NEDD9: variants seen among roughly 807,000 people sequenced by gnomAD.
The protein encoded by NEDD9 is enhancer of filamentation 1.
In NEDD9, 26 loss-of-function variants were observed where a neutral mutation model predicts 76.6. The observed-to-expected ratio is 0.34, with a 90% CI of 0.25 to 0.47. NEDD9 has a LOEUF of 0.47. Ranked by LOEUF, NEDD9 falls within the 20% of genes least tolerant of loss-of-function variation. NEDD9 has a pLI of 1.00. For synonymous variants in NEDD9, 392 were observed against 414.2 expected (o/e 0.95, Z 0.65); for missense variants, 937 against 1,058.5 (o/e 0.89, Z 1.59).
At chr6:11,219,807 G>A (rs571399125) in intron 1 of NEDD9, among the ~76,000 whole-genome samples, 1 of 152,360 alleles carries the variant, frequency 6.6e-6, no homozygotes, top group Admixed American at 6.5e-5. Flanking sequence ...TTGGGATAGA[G>A]GGGGATGTGG....
At chr6:11,254,749 A>G (rs1759971275) in intron 3 of NEDD9, among the ~76,000 whole-genome samples, 1 of 152,150 alleles carries the variant, frequency 6.6e-6, no homozygotes, top group African/African-American at 2.4e-5. Flanking sequence ...CTCTCACAGC[A>G]TTTCTAGCTG....
At chr6:11,226,931 C>G (rs6457129) in intron 1 of NEDD9, among the ~76,000 whole-genome samples, 1 of 152,152 alleles carries the variant, frequency 6.6e-6, no homozygotes, top group South Asian at 2.1e-4. Context: ...TAGCATAAAA[C>G]TATACTGTTA....
upstream of NEDD9, chr6:11,232,780 A>T (rs1759522854): frequency 8.4e-7 from 1 of 1,187,588 alleles, no homozygotes; most frequent in Non-Finnish European, 1.1e-6. Flanking sequence ...CCTAATTCTG[A>T]AAAACTGACA....
intron 3 of NEDD9, among the ~76,000 whole-genome samples, chr6:11,272,517 CA>C (rs1172747731): frequency 1.3e-5 from 2 of 152,128 alleles, no homozygotes; most frequent in Admixed American, 1.3e-4. Context: ...GATGTGTGAG[CA>C]AAAGAAGGGG....
chr6:11,325,695 C>T (rs965154626), intron 2 of NEDD9, among the ~76,000 whole-genome samples: 3 of 152,226 alleles, frequency 2.0e-5, no homozygotes, highest in Non-Finnish European at 4.4e-5. Flanking sequence ...GTACCTTTCA[C>T]AGCAGAGGTT....
rs763283823 is a variant in NEDD9 at position 11,185,590 on chromosome 6, G to A, written c.2077C>T (p.Leu693=). Residue 693 remains leucine (L), a synonymous_variant, in exon 7 of 7, where the codon CTA becomes TTA. Transcript: ENST00000379446. ...DISKWKPSQS[L]PTTNSGVSAQ... ...CTCACGCCACTGTTTGTGGTGGGTA[G>A]GCTCTGAGAGGGCTTCCACTTCGAG... 2 of 1,614,256 alleles carry A rather than the reference G, an allele frequency of 1.2e-6. No homozygotes were observed. Among genetic ancestry groups the A allele is most frequent in the East Asian group, 2.2e-5 (1 of 44,892 alleles).
intron 1 of NEDD9, among the ~76,000 whole-genome samples, chr6:11,215,393 C>T (rs996659091): frequency 2.0e-5 from 3 of 152,122 alleles, no homozygotes; most frequent in Non-Finnish European, 4.4e-5. Context: ...GTTAATATTC[C>T]AGGAGGCGCT....
chr6:11,367,686 T>C (rs1438303896), intron 1 of NEDD9, among the ~76,000 whole-genome samples: 1 of 138,000 alleles, frequency 7.2e-6, no homozygotes, highest in South Asian at 2.2e-4. Context: ...AAGGAACTTA[T>C]TTTTAGTGGA....
chr6:11,283,909 G>C (rs1027033671), intron 3 of NEDD9, among the ~76,000 whole-genome samples: 32 of 152,108 alleles, frequency 2.1e-4, no homozygotes, highest in African/African-American at 7.5e-4. Context: ...GCCTTCCTGG[G>C]TTTGGAAATC....
intron 2 of NEDD9, among the ~76,000 whole-genome samples, chr6:11,204,915 G>C (rs1273660345): frequency 2.0e-5 from 3 of 152,012 alleles, no homozygotes; most frequent in Admixed American, 6.6e-5. Context: ...GAACTTCCAA[G>C]CTCCTTAATT....
At chr6:11,272,725 C>T (rs1760335476) in intron 3 of NEDD9, among the ~76,000 whole-genome samples, 1 of 152,168 alleles carries the variant, frequency 6.6e-6, no homozygotes, top group Non-Finnish European at 1.5e-5. Context: ...AATGGAGCTG[C>T]AGAGGAGTCT....
chr6:11,227,020 A>G (rs1345289641), intron 1 of NEDD9, among the ~76,000 whole-genome samples: 2 of 152,222 alleles, frequency 1.3e-5, no homozygotes, highest in Non-Finnish European at 2.9e-5. Flanking sequence ...GCCATATAGT[A>G]TTAAGATCCT....
At position 11,328,318 on chromosome 6, in the gene NEDD9, A is replaced by C. The variant is rs1020983570; in HGVS notation, c.-153+6183T>G. Among the ~76,000 whole-genome samples, 37 of 152,244 alleles carry C rather than the reference A, an allele frequency of 2.4e-4. 1 individual carries two copies. Among genetic ancestry groups the C allele is most frequent in the Non-Finnish European group, 4.7e-4 (32 of 68,042 alleles). ...AAAGTATCTCCACTGAGAAACGCTG[A>C]ATACAAGAATGGGCTTTACATTCAT... On this transcript the variant is annotated intron_variant, in intron 2 of 3. Coordinates refer to the NEDD9 transcript ENST00000397378.
chr6:11,284,391 TAAA>T (rs1168452567), intron 3 of NEDD9, among the ~76,000 whole-genome samples: 53 of 70,240 alleles, frequency 7.5e-4, no homozygotes, highest in Middle Eastern at 8.5e-3. Flanking sequence ...CCGTCTCTAC[TAAA>T]AAAAAAAAAA....
chr6:11,259,957 C>CACACACACACACACAG (rs1452053924), intron 3 of NEDD9, among the ~76,000 whole-genome samples: 1 of 151,870 alleles, frequency 6.6e-6, no homozygotes, highest in Non-Finnish European at 1.5e-5. Flanking sequence ...CACACACACA[C>CACACACACACACACAG]ACAGACACAC....
At chr6:11,219,741 T>C (rs1021954395) in intron 1 of NEDD9, among the ~76,000 whole-genome samples, 28 of 152,232 alleles carry the variant, frequency 1.8e-4, no homozygotes, top group African/African-American at 6.5e-4. Flanking sequence ...CCGGCTTTGG[T>C]CTGAGAACTG....
chr6:11,261,064 C>T (rs7755978), intron 3 of NEDD9, among the ~76,000 whole-genome samples: 8,695 of 152,208 alleles, frequency 0.057, 374 homozygotes, highest in African/African-American at 0.13. Context: ...GGAAAGTAAG[C>T]TCACATGTGG....
intron 1 of NEDD9, among the ~76,000 whole-genome samples, chr6:11,363,462 C>G (rs1434167108): frequency 6.6e-6 from 1 of 152,102 alleles, no homozygotes; most frequent in Admixed American, 6.5e-5. Context: ...ATCAACAAAG[C>G]AAGCCTCATG....
rs908482924 is a variant in NEDD9, at chr6:11,241,902, C to T, written c.13-28175G>A. 2.0e-5 allele frequency among the ~76,000 whole-genome samples: 3 copies of T among 152,214 alleles called. No individual in the cohort carries two copies. The highest frequency in any genetic ancestry group is 2.1e-4 in the South Asian group (1 of 4,834). On this transcript the variant is annotated intron_variant, in intron 3 of 3. Transcript: ENST00000397378. This position sits in a 1 kb window ranked among gnomAD's most constrained non-coding sequence, Gnocchi z 4.0. ...CGCTCGTGAGCGCATGAAAGGAATC[C>T]GGATAATACAAGGCCTGGTGGAGAG...
Sources: allele counts gnomAD v4.1 joint callset (sites outside exome capture counted in the v4.1 genomes callset), GRCh38; gene constraint gnomAD v4.1.1; non-coding constraint Gnocchi (gnomAD v3.1); transcripts MANE v1.5; gene names NCBI Gene and HGNC (gene_info 2026-07-23, HGNC 2026-07-21).